Variants in SLC2A13 observed in about 807,000 individuals in gnomAD.
The protein encoded by SLC2A13 is proton myo-inositol cotransporter.
In SLC2A13, 32 loss-of-function variants were observed where a neutral mutation model predicts 64.4. The observed-to-expected ratio is 0.50, with a 90% confidence interval of 0.37 to 0.67. SLC2A13 has a LOEUF of 0.67. Ranked by LOEUF, SLC2A13 falls within the 30% of genes least tolerant of loss-of-function variation. The probability of loss-of-function intolerance (pLI) is 0.00; values close to 1 mark genes in which losing one functional copy is unlikely to be tolerated. For synonymous variants in SLC2A13, 338 were observed against 327.1 expected (o/e 1.03, Z -0.36); for missense variants, 743 against 829.2 (o/e 0.90, Z 1.28).
chr12:39,775,459 G>A (rs1412234286), intron 7 of SLC2A13, among the ~76,000 whole-genome samples: 2 of 152,230 alleles, frequency 1.3e-5, no homozygotes, highest in Admixed American at 1.3e-4. Flanking sequence ...AAGTTAACAG[G>A]CTACGGGCTC....
At chr12:39,947,693 C>T (rs866900616) in intron 4 of SLC2A13, among the ~76,000 whole-genome samples, 11 of 138,478 alleles carry the variant, frequency 7.9e-5, no homozygotes, top group African/African-American at 2.5e-4. Flanking sequence ...CGGAGTGTCG[C>T]TCAGTCGCCC....
intron 7 of SLC2A13, among the ~76,000 whole-genome samples, chr12:39,797,775 C>CAT (rs1312756724): frequency 3.3e-5 from 5 of 151,890 alleles, no homozygotes; most frequent in African/African-American, 7.3e-5. Context: ...CACACACACA[C>CAT]ATACACGGAT....
At chr12:39,888,063 G>A (rs999132111) in intron 4 of SLC2A13, among the ~76,000 whole-genome samples, 1 of 152,178 alleles carries the variant, frequency 6.6e-6, no homozygotes, top group Admixed American at 6.6e-5. Context: ...CTGACAGATT[G>A]ATTGCACTGA....
Position 39,758,259 on chromosome 12 carries a change from T to C in SLC2A13, c.*1767A>G, listed in dbSNP as rs1592107608. 1 of 151,872 alleles carries C rather than the reference T, an allele frequency of 6.6e-6. No individual in the cohort carries two copies. Among genetic ancestry groups the C allele is most frequent in the South Asian group, 2.1e-4 (1 of 4,834 alleles). 9.4% of individuals were successfully genotyped at this position (151,872 alleles called of 1,614,324 possible). Reference sequence around the variant, plus strand: ...TTAATGGATTTTTAGGGCACTAAATTGACAGTTTAAGCACATATTATACCT... The same window carrying C: ...TTAATGGATTTTTAGGGCACTAAATCGACAGTTTAAGCACATATTATACCT... On this transcript the variant is annotated 3_prime_UTR_variant, in exon 10 of 10. Coordinates refer to ENST00000280871, the MANE Select transcript of SLC2A13 (RefSeq NM_052885.4).
At chr12:39,804,870 G>T (rs1304457434) in intron 7 of SLC2A13, among the ~76,000 whole-genome samples, 1 of 152,172 alleles carries the variant, frequency 6.6e-6, no homozygotes, top group Non-Finnish European at 1.5e-5. Flanking sequence ...GGACATCAGG[G>T]TGGGTAGTTC....
intron 3 of SLC2A13, among the ~76,000 whole-genome samples, chr12:39,990,095 T>C (rs1264626974): frequency 2.0e-5 from 3 of 152,210 alleles, no homozygotes; most frequent in African/African-American, 7.2e-5. Flanking sequence ...TACAGTTCTA[T>C]TGTTCTATGT....
chr12:39,935,507 C>T (rs1430072306), intron 4 of SLC2A13, among the ~76,000 whole-genome samples: 1 of 152,094 alleles, frequency 6.6e-6, no homozygotes, highest in African/African-American at 2.4e-5. Flanking sequence ...AGAATAAAAA[C>T]AAAACAGTCA....
intron 7 of SLC2A13, among the ~76,000 whole-genome samples, chr12:39,791,253 C>T (rs1322017416): frequency 2.9e-5 from 4 of 139,852 alleles, no homozygotes; most frequent in Non-Finnish European, 1.6e-5. Context: ...TATGACAAAC[C>T]CACAGCCAAT....
At chr12:39,861,919 T>A (rs1485013281) in intron 6 of SLC2A13, among the ~76,000 whole-genome samples, 1 of 152,184 alleles carries the variant, frequency 6.6e-6, no homozygotes, top group Non-Finnish European at 1.5e-5. Context: ...GACGTGCAGG[T>A]CTGTTACATA....
chr12:39,871,147 A>G (rs1342090149), intron 5 of SLC2A13, among the ~76,000 whole-genome samples: 1 of 152,202 alleles, frequency 6.6e-6, no homozygotes, highest in African/African-American at 2.4e-5. Flanking sequence ...GTCTCATTCT[A>G]TCAATGAAAC....
intron 3 of SLC2A13, among the ~76,000 whole-genome samples, chr12:39,957,149 TATC>T (rs1247233966): frequency 6.6e-6 from 1 of 152,200 alleles, no homozygotes; most frequent in African/African-American, 2.4e-5. Context: ...AACAATTTCC[TATC>T]ATCATCAGAG....
chr12:39,829,955 CCACTAT>C, intron 7 of SLC2A13, 142 bp downstream of exon 7: 1 of 976,680 alleles, frequency 1.0e-6, no homozygotes, highest in Non-Finnish European at 1.5e-6. Context: ...TGCTTTGCAT[CCACTAT>C]CACCAGTATA....
intron 4 of SLC2A13, among the ~76,000 whole-genome samples, chr12:39,908,883 C>T (rs985149511): frequency 3.1e-4 from 47 of 152,014 alleles, no homozygotes; most frequent in African/African-American, 1.0e-3. Context: ...CAATTCAGAA[C>T]GGGCACTTAG....
rs1337856192 is a variant in SLC2A13, at chr12:39,757,155, G to A, written c.*2871C>T. The A allele has an allele frequency of 6.6e-6, 1 of 151,708 alleles. No individual in the cohort carries two copies. The highest frequency in any genetic ancestry group is 2.4e-5 in the African/African-American group (1 of 41,362). The allele number at this position is 151,708 out of a possible 1,614,324, so 9.4% of individuals were successfully genotyped here. On this transcript the variant is annotated 3_prime_UTR_variant, in exon 10 of 10. Transcript: ENST00000280871. ...GAAATGATATATCCTCTTAAGTCTA[G>A]TGCAGATCAGACATCCAGCCTCAAT... is the stretch of plus-strand genomic sequence containing the variant.
At chr12:39,843,796 T>C (rs1418342994) in intron 6 of SLC2A13, among the ~76,000 whole-genome samples, 2 of 151,988 alleles carry the variant, frequency 1.3e-5, no homozygotes, top group Non-Finnish European at 2.9e-5. Context: ...ACCACAAAGA[T>C]TTTGTTATTG....
At chr12:39,807,017 C>T (rs2135796612) in intron 7 of SLC2A13, among the ~76,000 whole-genome samples, 1 of 152,194 alleles carries the variant, frequency 6.6e-6, no homozygotes, top group Non-Finnish European at 1.5e-5. Context: ...GAGATGACAA[C>T]GTTCCAGAAA....
intron 3 of SLC2A13, among the ~76,000 whole-genome samples, chr12:39,985,581 A>G (rs1374432202): frequency 3.9e-5 from 6 of 152,182 alleles, no homozygotes; most frequent in African/African-American, 1.2e-4. Flanking sequence ...CAGTGCATGG[A>G]GAGGTTGTAG....
chr12:40,026,808 G>A (rs763216778), intron 3 of SLC2A13, among the ~76,000 whole-genome samples: 10 of 152,110 alleles, frequency 6.6e-5, no homozygotes, highest in Non-Finnish European at 7.4e-5. Context: ...GGCCAGGTGC[G>A]GTGGCTCACG....
chr12:39,838,186 T>C (rs1276239784), intron 6 of SLC2A13, among the ~76,000 whole-genome samples: 1 of 150,434 alleles, frequency 6.6e-6, no homozygotes, highest in Non-Finnish European at 1.5e-5. Flanking sequence ...TTCATGTCCT[T>C]TGTAGGGACA....
Sources: gnomAD v4.1 joint callset for allele counts (sites outside exome capture counted in the v4.1 genomes callset) on GRCh38, gnomAD v4.1.1 for gene constraint, MANE v1.5 for transcripts, NCBI Gene and HGNC (gene_info 2026-07-23, HGNC 2026-07-21) for gene names.